ERC2: variants seen among roughly 807,000 people sequenced by gnomAD.
ERC2 encodes the protein ELKS/RAB6-interacting/CAST family member 2, also known as ERC protein 2.
ERC2 carries 42 observed loss-of-function variants against 114.8 expected under a neutral mutation model. The ratio of observed to expected loss-of-function variants is 0.37; its 90% CI spans 0.29 to 0.47. The LOEUF is 0.47. ERC2 is among the 20% of genes least tolerant of loss of function. The pLI is 0.99. For synonymous variants in ERC2, 454 were observed against 425.5 expected (o/e 1.07, Z -0.82); for missense variants, 939 against 1,150.7 (o/e 0.82, Z 2.66).
At chr3:55,582,043 C>T (rs1289990959) in intron 17 of ERC2, among the ~76,000 whole-genome samples, 2 of 152,194 alleles carry the variant, frequency 1.3e-5, no homozygotes, top group African/African-American at 4.8e-5. Context: ...GGCCTCTGTA[C>T]AAGCTGTTCC....
chr3:55,539,411 C>CTTTTTTTTTTTTT (rs1559619170), intron 17 of ERC2, among the ~76,000 whole-genome samples: 16 of 49,054 alleles, frequency 3.3e-4, no homozygotes, highest in East Asian at 8.5e-4. Flanking sequence ...CTCTTTTTTT[C>CTTTTTTTTTTTTT]TTTCTTTTTT....
At chr3:55,855,134 G>T (rs1475599584) in intron 14 of ERC2, among the ~76,000 whole-genome samples, 1 of 152,132 alleles carries the variant, frequency 6.6e-6, no homozygotes, top group Non-Finnish European at 1.5e-5. Flanking sequence ...GAGGTGAACT[G>T]CCCCATTTCC....
intron 8 of ERC2, 54 bp from the exon 9 acceptor site, chr3:56,010,643 A>G: frequency 6.4e-7 from 1 of 1,552,638 alleles, no homozygotes; most frequent in East Asian, 2.3e-5. Context: ...TGTATATGCC[A>G]AAGCATACTG....
intron 7 of ERC2, among the ~76,000 whole-genome samples, chr3:56,059,384 C>T (rs184813176): frequency 3.3e-5 from 5 of 152,210 alleles, no homozygotes; most frequent in South Asian, 2.1e-4. Flanking sequence ...CCACCGTGCC[C>T]GGCCACATAG....
At chr3:56,350,850 C>T (rs2058526383) in intron 2 of ERC2, among the ~76,000 whole-genome samples, 1 of 152,212 alleles carries the variant, frequency 6.6e-6, no homozygotes, top group Non-Finnish European at 1.5e-5. Flanking sequence ...CATGGACTTA[C>T]ACATTCAGTC....
At chr3:56,329,227 G>A (rs1341372890) in intron 2 of ERC2, among the ~76,000 whole-genome samples, 2 of 152,166 alleles carry the variant, frequency 1.3e-5, no homozygotes, top group Non-Finnish European at 2.9e-5. Flanking sequence ...TTGTTTTGGA[G>A]GAGGGTTAAG....
intron 1 of ERC2, among the ~76,000 whole-genome samples, chr3:56,456,296 T>C (rs2107543744): frequency 6.6e-6 from 1 of 152,334 alleles, no homozygotes; most frequent in South Asian, 2.1e-4. Flanking sequence ...AATCACCTAT[T>C]CTGACTAGCA....
intron 7 of ERC2, among the ~76,000 whole-genome samples, chr3:56,034,645 C>T (rs1204413186): frequency 1.3e-5 from 2 of 151,888 alleles, no homozygotes; most frequent in African/African-American, 4.8e-5. Context: ...TTTCCAACCA[C>T]AATAGTATGA....
intron 17 of ERC2, among the ~76,000 whole-genome samples, chr3:55,552,275 T>A (rs1275111770): frequency 6.6e-6 from 1 of 151,314 alleles, no homozygotes; most frequent in Non-Finnish European, 1.5e-5. Context: ...GGGGTGGGGT[T>A]GGGGGCAGGG....
chr3:56,143,719 T>C (rs1044729459), intron 5 of ERC2, among the ~76,000 whole-genome samples: 1 of 152,192 alleles, frequency 6.6e-6, no homozygotes, highest in Non-Finnish European at 1.5e-5. Context: ...ATGCTCTACT[T>C]ATCACACAGG....
intron 6 of ERC2, among the ~76,000 whole-genome samples, chr3:56,128,164 C>T (rs913096608): frequency 3.3e-5 from 5 of 152,298 alleles, no homozygotes; most frequent in African/African-American, 1.2e-4. Context: ...TCATTAGGTA[C>T]TTCCATGCAC....
chr3:55,853,895 A>C (rs1281212374), intron 14 of ERC2, among the ~76,000 whole-genome samples: 3 of 152,170 alleles, frequency 2.0e-5, no homozygotes, highest in Admixed American at 2.0e-4. Context: ...GGACACTTGA[A>C]AACAGTGAAA....
At chr3:55,800,431 C>T (rs547854145) in intron 14 of ERC2, among the ~76,000 whole-genome samples, 41 of 152,184 alleles carry the variant, frequency 2.7e-4, no homozygotes, top group African/African-American at 8.2e-4. Context: ...TGTGAGCCAC[C>T]GCGCCTAGCC....
chr3:55,749,067 A>T (rs914776998), intron 14 of ERC2, among the ~76,000 whole-genome samples: 3 of 152,186 alleles, frequency 2.0e-5, no homozygotes. Flanking sequence ...AAGACTGACC[A>T]CTAGAGGTAA....
chr3:56,326,306 A>G (rs1192650328), intron 2 of ERC2, among the ~76,000 whole-genome samples: 1 of 152,238 alleles, frequency 6.6e-6, no homozygotes, highest in Non-Finnish European at 1.5e-5. Context: ...AGGAGCACAG[A>G]GTAGGGAAGT....
chr3:56,432,512 AC>A (rs1279789210), intron 2 of ERC2, among the ~76,000 whole-genome samples: 6 of 152,208 alleles, frequency 3.9e-5, no homozygotes, highest in Non-Finnish European at 7.3e-5. Context: ...TGAAGAACAA[AC>A]CTTTCGGTTC....
At chr3:56,446,511 G>T (rs958770109) in intron 1 of ERC2, among the ~76,000 whole-genome samples, 5 of 151,916 alleles carry the variant, frequency 3.3e-5, no homozygotes, top group African/African-American at 4.8e-5. Flanking sequence ...GGATGTGGGT[G>T]TAGGAGGTTC....
At chr3:56,103,599 T>A (rs1490682362) in intron 6 of ERC2, among the ~76,000 whole-genome samples, 1 of 151,938 alleles carries the variant, frequency 6.6e-6, no homozygotes, top group Non-Finnish European at 1.5e-5. Flanking sequence ...TTTTTGGTGG[T>A]CACAATAGGG....
chr3:56,120,187 G>A (rs1455015785), intron 6 of ERC2, among the ~76,000 whole-genome samples: 1 of 152,172 alleles, frequency 6.6e-6, no homozygotes, highest in African/African-American at 2.4e-5. Context: ...GCTTCTCTTA[G>A]AGTCAGAAGA....
Sources: gnomAD v4.1 joint callset for allele counts (sites outside exome capture counted in the v4.1 genomes callset) on GRCh38, gnomAD v4.1.1 for gene constraint, MANE v1.5 for transcripts, NCBI Gene and HGNC (gene_info 2026-07-23, HGNC 2026-07-21) for gene names.